The following MRPL42 variants were observed in gnomAD, a reference collection of about 807,000 sequenced individuals.
MRPL42 encodes the protein large ribosomal subunit protein mL42.
MRPL42 carries 17 observed loss-of-function variants against 17.9 expected under a neutral mutation model. The ratio of observed to expected loss-of-function variants is 0.95; its 90% confidence interval spans 0.65 to 1.42. The LOEUF (loss-of-function observed/expected upper bound fraction) is 1.42. MRPL42 is among the 40% of genes most tolerant of loss of function. MRPL42 has a pLI of 0.00. For synonymous variants in MRPL42, 59 were observed against 54.4 expected (o/e 1.08, Z -0.37); for missense variants, 177 against 175.2 (o/e 1.01, Z -0.06).
intron 5 of MRPL42, 127 bp from the exon 6 acceptor site, chr12:93,501,049 T>G (rs1362634657): frequency 1.5e-6 from 1 of 645,496 alleles, no homozygotes; most frequent in African/African-American, 2.1e-5. Context: ...AAGAAATGGC[T>G]GATACGTAGT....
At chr12:93,496,224 A>G (rs1377030037) in intron 5 of MRPL42, among the ~76,000 whole-genome samples, 1 of 151,988 alleles carries the variant, frequency 6.6e-6, no homozygotes, top group Non-Finnish European at 1.5e-5. Flanking sequence ...ACACCCGGCT[A>G]ATTTTTGTAT....
At chr12:93,480,066 T>A (rs1880384681) in intron 4 of MRPL42, among the ~76,000 whole-genome samples, 1 of 152,122 alleles carries the variant, frequency 6.6e-6, no homozygotes, top group Non-Finnish European at 1.5e-5. Context: ...TTTTTATTGT[T>A]TTGTATTTGA....
intron 4 of MRPL42, among the ~76,000 whole-genome samples, chr12:93,486,407 C>G (rs181845117): frequency 7.3e-4 from 111 of 152,208 alleles, no homozygotes; most frequent in Non-Finnish European, 1.2e-3. Flanking sequence ...TGCAATGGTG[C>G]AATCTTGGCT....
In MRPL42 at chr12:93,514,747, A is replaced by G. The variant is rs1014872949; in HGVS notation, c.*13526A>G. On this transcript the variant is annotated 3_prime_UTR_variant, in exon 6 of 6. Transcript: ENST00000549982. ...TTTTCTTTAAGCTTTATTTTTTCTT[A>G]TTATCCATATGACATGTTTCCAGAA... is the stretch of plus-strand genomic sequence containing the variant. 6.6e-6 allele frequency: 1 copy of G among 151,894 alleles called. No individual in the cohort carries two copies. 9.4% of individuals were successfully genotyped at this position (151,894 alleles called of 1,614,324 possible).
intron 3 of MRPL42, among the ~76,000 whole-genome samples, chr12:93,477,221 C>G (rs1018742641): frequency 5.9e-5 from 9 of 152,112 alleles, no homozygotes; most frequent in Admixed American, 5.9e-4. Context: ...CATTGTGTTT[C>G]ATTGAATATT....
chr12:93,507,954 A>C lies in MRPL42; in HGVS notation c.*6733A>C, dbSNP rs1953688146. ...TAGTGAGAGCCCATCTGTAAAAAAA[A>C]AAATTTTTTGAGATGGAGTTTCGCC... is the stretch of plus-strand genomic sequence containing the variant. On this transcript the variant is annotated 3_prime_UTR_variant, in exon 6 of 6. Transcript: ENST00000549982. 1 of 152,510 alleles carries C rather than the reference A, an allele frequency of 6.6e-6. No individual in the cohort carries two copies. The highest frequency in any genetic ancestry group is 2.1e-4 in the South Asian group (1 of 4,836). The allele number at this position is 152,510 out of a possible 1,614,324, so 9.4% of individuals were successfully genotyped here. A position where few individuals can be genotyped will look rare whatever the true frequency, so the allele number is the denominator to read the frequency against.
chr12:93,475,780 C>G (rs898794436), intron 2 of MRPL42, among the ~76,000 whole-genome samples: 19 of 151,814 alleles, frequency 1.3e-4, no homozygotes, highest in African/African-American at 3.9e-4. Flanking sequence ...GTCAGGAGAT[C>G]GAGACCATCC....
chr12:93,487,372 T>C (rs868407446), intron 4 of MRPL42, 125 bp from the exon 5 acceptor site: 4 of 795,782 alleles, frequency 5.0e-6, no homozygotes, highest in Non-Finnish European at 7.6e-6. Flanking sequence ...TTTTGATAAC[T>C]TATTTGCCCA....
intron 2 of MRPL42, among the ~76,000 whole-genome samples, chr12:93,471,644 T>C (rs1214431657): frequency 2.0e-5 from 3 of 152,176 alleles, no homozygotes; most frequent in Admixed American, 2.0e-4. Context: ...CCTGCTTCCT[T>C]GCTTGCCCCA....
At chr12:93,481,616 C>A (rs986988568) in intron 4 of MRPL42, among the ~76,000 whole-genome samples, 1 of 152,156 alleles carries the variant, frequency 6.6e-6, no homozygotes, top group African/African-American at 2.4e-5. Flanking sequence ...ACTTCAATAT[C>A]CATGTAGGTG....
intron 5 of MRPL42, among the ~76,000 whole-genome samples, chr12:93,491,285 A>G (rs1163147114): frequency 6.6e-6 from 1 of 152,254 alleles, no homozygotes; most frequent in Non-Finnish European, 1.5e-5. Flanking sequence ...TCCATAGGGA[A>G]TTGGGTATAA....
At chr12:93,487,401 A>T in intron 4 of MRPL42, 96 bp from the exon 5 acceptor site, 3 of 1,156,872 alleles carry the variant, frequency 2.6e-6, no homozygotes, top group Non-Finnish European at 3.7e-6. Context: ...TACTATAGTG[A>T]ATTACTGAAT....
At chr12:93,487,375 T>C (rs1880793986) in intron 4 of MRPL42, 122 bp from the exon 5 acceptor site, 3 of 810,444 alleles carry the variant, frequency 3.7e-6, no homozygotes, top group Non-Finnish European at 5.5e-6. Context: ...TGATAACTTA[T>C]TTGCCCACCC....
rs151194563 is a variant in MRPL42 at position 93,473,163 on chromosome 12, G to A, written c.71-3791G>A. On this transcript the variant is annotated intron_variant, in intron 2 of 5. Transcript: ENST00000549982. ...TTCTTTTGGCACATTGAGCTTAATT[G>A]CTGTTAACTTTGGCATTGGTCCTAA... 4.2e-3 allele frequency among the ~76,000 whole-genome samples: 636 copies of A among 152,228 alleles called. 3 individuals carry two copies. Among genetic ancestry groups the A allele is most frequent in the Middle Eastern group, 0.014 (4 of 294 alleles).
At chr12:93,484,631 C>G (rs2121216377) in intron 4 of MRPL42, among the ~76,000 whole-genome samples, 1 of 152,116 alleles carries the variant, frequency 6.6e-6, no homozygotes, top group South Asian at 2.1e-4. Flanking sequence ...GAATCTTGCC[C>G]TGTCACCCAG....
chr12:93,487,390 G>A (rs1880794490), intron 4 of MRPL42, 107 bp from the exon 5 acceptor site: 1 of 1,013,974 alleles, frequency 9.9e-7, no homozygotes, highest in Non-Finnish European at 1.4e-6. Flanking sequence ...CCACCCTAAA[G>A]TACTATAGTG....
rs1463872600 is a variant in MRPL42 at position 93,513,658 on chromosome 12, AAAT to A, written c.*12441_*12443del. 6.6e-6 allele frequency: 1 copy of A among 151,846 alleles called. No homozygotes were observed. Among genetic ancestry groups the A allele is most frequent in the South Asian group, 2.1e-4 (1 of 4,826 alleles). The allele number at this position is 151,846 out of a possible 1,614,324, so 9.4% of individuals were successfully genotyped here. A position where few individuals can be genotyped will look rare whatever the true frequency, so the allele number is the denominator to read the frequency against. ...ATTCACATTTTCAGTGAAAGTTTTTAAATAATTTTTTCTCTTTCCGTTTTATGT... is the reference window on the plus strand; with the variant it reads ...ATTCACATTTTCAGTGAAAGTTTTTAAATTTTTTCTCTTTCCGTTTTATGT... On this transcript the variant is annotated 3_prime_UTR_variant, in exon 6 of 6. Transcript: ENST00000549982.
intron 4 of MRPL42, among the ~76,000 whole-genome samples, chr12:93,485,486 A>G (rs1297365078): frequency 1.3e-5 from 2 of 152,110 alleles, no homozygotes; most frequent in Non-Finnish European, 2.9e-5. Flanking sequence ...CATAAACTAG[A>G]TATAAATATA....
Position 93,513,905 on chromosome 12 carries a change from C to G in MRPL42, c.*12684C>G, listed in dbSNP as rs1000308793. On this transcript the variant is annotated 3_prime_UTR_variant, in exon 6 of 6. Transcript: ENST00000549982. ...TTGCTCTGTCACCCCAGCTGGAGTG[C>G]AGTGGTGTGATCTTGGCTCACTGCA... 2.0e-5 allele frequency: 3 copies of G among 152,152 alleles called. No homozygotes were observed. The highest frequency in any genetic ancestry group is 7.2e-5 in the African/African-American group (3 of 41,402). 9.4% of individuals were successfully genotyped at this position (152,152 alleles called of 1,614,324 possible). A position where few individuals can be genotyped will look rare whatever the true frequency, so the allele number is the denominator to read the frequency against.
Sources: allele counts gnomAD v4.1 joint callset (sites outside exome capture counted in the v4.1 genomes callset), GRCh38; gene constraint gnomAD v4.1.1; transcripts MANE v1.5; gene names NCBI Gene and HGNC (gene_info 2026-07-23, HGNC 2026-07-21).